ALDH1L1: variants seen among roughly 807,000 people sequenced by gnomAD.
The protein encoded by ALDH1L1 is aldehyde dehydrogenase 1 family member L1.
Under a neutral mutation model 101.1 loss-of-function variants are expected in ALDH1L1, and 68 were observed. The ratio of observed to expected loss-of-function variants is 0.67; its 90% CI spans 0.55 to 0.82. The LOEUF is 0.82. ALDH1L1 is among the 40% of genes least tolerant of loss of function. The pLI is 0.00. For missense variants in ALDH1L1, 1,087 were observed against 1,172.7 expected (o/e 0.93, Z 1.07); for synonymous variants, 486 against 470.8 (o/e 1.03, Z -0.42).
intron 7 of ALDH1L1, 107 bp from the exon 8 acceptor site, chr3:126,150,638 T>C: frequency 7.5e-7 from 1 of 1,336,722 alleles, no homozygotes; most frequent in South Asian, 1.4e-5. Flanking sequence ...CACTACAACC[T>C]CCGCCTCCCG....
intron 9 of ALDH1L1, among the ~76,000 whole-genome samples, chr3:126,139,426 G>A (rs1344616653): frequency 6.6e-6 from 1 of 152,098 alleles, no homozygotes; most frequent in East Asian, 1.9e-4. Flanking sequence ...CCTAATAAGT[G>A]GGAGAAATAT....
chr3:126,125,811 A>G, intron 14 of ALDH1L1, 90 bp from the exon 15 acceptor site: 2 of 934,662 alleles, frequency 2.1e-6, no homozygotes, highest in African/African-American at 1.7e-5. Context: ...CCAGGGCCTG[A>G]CATCCACTCT....
intron 1 of ALDH1L1, among the ~76,000 whole-genome samples, chr3:126,162,599 C>G (rs955407054): frequency 1.4e-4 from 22 of 152,232 alleles, no homozygotes; most frequent in East Asian, 7.7e-4. Flanking sequence ...AGCTCTTTGT[C>G]AGATATGTGT....
At chr3:126,123,238 G>A (rs2080112475) in intron 16 of ALDH1L1, among the ~76,000 whole-genome samples, 1 of 149,664 alleles carries the variant, frequency 6.7e-6, no homozygotes, top group East Asian at 2.0e-4. Context: ...GTCACAAGGT[G>A]TGAGGTATCA....
At chr3:126,185,554 G>T (rs2081510756), upstream of ALDH1L1, among the ~76,000 whole-genome samples, 1 of 149,526 alleles carries the variant, frequency 6.7e-6, no homozygotes, top group South Asian at 2.1e-4. Context: ...AAACGTTCCA[G>T]TTGGAGAGAA....
At chr3:126,142,297 A>C (rs551935019) in intron 9 of ALDH1L1, among the ~76,000 whole-genome samples, 1 of 152,302 alleles carries the variant, frequency 6.6e-6, no homozygotes, top group East Asian at 1.9e-4. Context: ...ATTTTTCTCA[A>C]ACTCTTCCAA....
Position 126,136,765 on chromosome 3 carries a change from C to A in ALDH1L1, c.1343G>T (p.Ser448Ile). Residue 448 changes from serine (S) to isoleucine (I), a missense_variant and splice_region_variant, in exon 11 of 23, where the codon AGT becomes ATT. Around this residue, in one of 2 missense-constraint regions of ALDH1L1, gnomAD observed 645 missense variants for 637.0 expected, o/e 1.01. Transcript: ENST00000393434. ...AAGGGGTGCTGGGCCTGCACTCACACTTCCATCGGTGGGATTGATGGTCTC... is the reference window on the plus strand; with the variant it reads ...AAGGGGTGCTGGGCCTGCACTCACAATTCCATCGGTGGGATTGATGGTCTC... ...TSETINPTDGSVICQVSLAQV... is the reference protein window; with the variant it reads ...TSETINPTDGIVICQVSLAQV... 6.4e-7 allele frequency: 1 copy of A among 1,568,340 alleles called. No homozygotes were observed. The highest frequency in any genetic ancestry group is 8.7e-7 in the Non-Finnish European group (1 of 1,155,760).
intron 13 of ALDH1L1, among the ~76,000 whole-genome samples, chr3:126,131,010 T>G (rs112848309): frequency 0.017 from 2,571 of 152,282 alleles, 64 homozygotes; most frequent in African/African-American, 0.059. Flanking sequence ...CTGCTGCCGC[T>G]GGGAGATACA....
rs769694739 is a variant in ALDH1L1, at chr3:126,109,936, T to A, written c.2347+8A>T. The A allele has an allele frequency of 1.3e-5, 21 of 1,613,490 alleles. No individual in the cohort carries two copies. Among genetic ancestry groups the A allele is most frequent in the Non-Finnish European group, 1.8e-5 (21 of 1,179,876 alleles). ...TGACCCAAGCGGACCTGACACACTC[T>A]GACTCACCTGGCCGAGGGACCTGAT... is the stretch of plus-strand genomic sequence containing the variant. On this transcript the variant is annotated splice_region_variant and intron_variant, in intron 20 of 22. Coordinates refer to ENST00000393434, the MANE Select transcript of ALDH1L1 (RefSeq NM_012190.4).
intron 1 of ALDH1L1, among the ~76,000 whole-genome samples, chr3:126,177,409 A>G (rs1422904096): frequency 6.6e-6 from 1 of 152,228 alleles, no homozygotes. Context: ...ACAGAAAGAC[A>G]TGGAGGATGC....
intron 1 of ALDH1L1, among the ~76,000 whole-genome samples, chr3:126,168,165 A>C (rs2081204447): frequency 6.6e-6 from 1 of 152,194 alleles, no homozygotes; most frequent in African/African-American, 2.4e-5. Flanking sequence ...CATCATAAAA[A>C]TTAATTCTGC....
At chr3:126,118,230 A>G (rs1390273296) in intron 16 of ALDH1L1, 132 bp from the exon 17 acceptor site, 10 of 714,372 alleles carry the variant, frequency 1.4e-5, no homozygotes, top group Non-Finnish European at 2.2e-5. Flanking sequence ...CTTGATCCCC[A>G]TGGTGCCTGG....
intron 9 of ALDH1L1, among the ~76,000 whole-genome samples, chr3:126,141,706 T>C (rs1337479253): frequency 6.6e-6 from 1 of 151,872 alleles, no homozygotes; most frequent in Non-Finnish European, 1.5e-5. Flanking sequence ...GGGAAAGTAG[T>C]GCTAAGAAAG....
At chr3:126,185,835 A>G (rs1232541336), upstream of ALDH1L1, among the ~76,000 whole-genome samples, 1 of 152,202 alleles carries the variant, frequency 6.6e-6, no homozygotes, top group Non-Finnish European at 1.5e-5. Flanking sequence ...TAAAAAGTCA[A>G]TATTCTGGAG....
Position 126,119,169 on chromosome 3 carries a change from G to A in ALDH1L1, c.1889-1071C>T, listed in dbSNP as rs58654706. On this transcript the variant is annotated intron_variant, in intron 16 of 22. Coordinates refer to ENST00000393434, the MANE Select transcript of ALDH1L1 (RefSeq NM_012190.4). ...CTCTTCTCTCCTCAGCTTACATTGC[G>A]TGCTCAGCTGATCTCACAGGCTTCC... Among the ~76,000 whole-genome samples, 158 of 152,070 alleles carry A rather than the reference G, an allele frequency of 1.0e-3. No individual in the cohort carries two copies. In the East Asian group the frequency reaches 0.019, roughly 18 times the overall value.
chr3:126,152,832 T>A (rs1351441409), intron 7 of ALDH1L1: 2 of 162,058 alleles, frequency 1.2e-5, no homozygotes, highest in Non-Finnish European at 2.7e-5. Context: ...TAAATCTCTG[T>A]TTTTTTCCTC....
intron 12 of ALDH1L1, 35 bp downstream of exon 12, chr3:126,135,500 T>G: frequency 6.3e-7 from 1 of 1,591,864 alleles, no homozygotes; most frequent in Non-Finnish European, 8.5e-7. Flanking sequence ...AAGCTGATGG[T>G]GGCAGTGGCT....
At chr3:126,107,019 C>T (rs1315793110) in intron 21 of ALDH1L1, 122 bp downstream of exon 21, 1 of 885,252 alleles carries the variant, frequency 1.1e-6, no homozygotes, top group Middle Eastern at 2.2e-4. Flanking sequence ...GTGTCCACGG[C>T]TTGCGCCCTG....
chr3:126,190,805 G>GCC, intron 1 of ALDH1L1, among the ~76,000 whole-genome samples: 1 of 152,160 alleles, frequency 6.6e-6, no homozygotes, highest in East Asian at 1.9e-4. Context: ...GAAGTGAGAA[G>GCC]CCCCCTTTGT....
Sources: allele counts gnomAD v4.1 joint callset (sites outside exome capture counted in the v4.1 genomes callset), GRCh38; gene constraint gnomAD v4.1.1; regional missense constraint gnomAD v4.1.1; transcripts MANE v1.5; gene names NCBI Gene and HGNC (gene_info 2026-07-23, HGNC 2026-07-21).